The following VPS54 variants were observed in gnomAD, a reference collection of about 807,000 sequenced individuals.
VPS54 encodes the protein VPS54 subunit of GARP complex, also known as vacuolar protein sorting-associated protein 54.
VPS54 carries 45 observed loss-of-function variants against 121.5 expected under a neutral mutation model. The ratio of observed to expected loss-of-function variants is 0.37; its 90% CI spans 0.29 to 0.47. The LOEUF is 0.47. VPS54 is among the 20% of genes least tolerant of loss of function. VPS54 has a pLI of 0.99. For synonymous variants in VPS54, 371 were observed against 385.8 expected (o/e 0.96, Z 0.45); for missense variants, 1,090 against 1,131.4 (o/e 0.96, Z 0.52).
intron 1 of VPS54, among the ~76,000 whole-genome samples, chr2:63,990,713 C>A (rs1346581397): frequency 6.6e-6 from 1 of 152,214 alleles, no homozygotes; most frequent in Non-Finnish European, 1.5e-5. Flanking sequence ...AACTTCAATG[C>A]AACACTTATT....
At chr2:63,902,980 C>CATAACATAACATAACATAACAT (rs376596159) in intron 20 of VPS54, among the ~76,000 whole-genome samples, 1 of 151,420 alleles carries the variant, frequency 6.6e-6, no homozygotes, top group African/African-American at 2.4e-5. Flanking sequence ...AATAACATAA[C>CATAACATAACATAACATAACAT]AACATAACAT....
intron 1 of VPS54, among the ~76,000 whole-genome samples, chr2:64,006,652 A>ACT (rs35343897): frequency 0.43 from 65,944 of 151,770 alleles, 14,674 homozygotes; most frequent in African/African-American, 0.47. Flanking sequence ...AGACAGTCTC[A>ACT]CTGTCAGCAG....
intron 8 of VPS54, 131 bp downstream of exon 8, chr2:63,948,906 G>T: frequency 2.9e-6 from 3 of 1,048,240 alleles, no homozygotes; most frequent in South Asian, 1.7e-5. Context: ...CATAGCTAGT[G>T]AAGGACTTCA....
chr2:63,900,520 A>T lies in VPS54; in HGVS notation c.2626-939T>A, dbSNP rs1283071071. ...GAAGTTATATACCGTTTTATTTATA[A>T]GACAAATTTGGGCTAAATACTATAT... On this transcript the variant is annotated intron_variant, in intron 20 of 22. Transcript: ENST00000272322. Among the ~76,000 whole-genome samples, 6 of 152,216 alleles carry T rather than the reference A, an allele frequency of 3.9e-5. No homozygotes were observed. The East Asian group carries it at 1.2e-3, about 29-fold the overall frequency.
At chr2:63,995,454 C>G (rs751571906) in intron 1 of VPS54, among the ~76,000 whole-genome samples, 1 of 152,184 alleles carries the variant, frequency 6.6e-6, no homozygotes, top group Non-Finnish European at 1.5e-5. Context: ...AGTGTTACAG[C>G]GAATTCTTTA....
At chr2:63,942,676 T>C (rs373031444) in intron 10 of VPS54, 115 bp from the exon 11 acceptor site, 6 of 799,778 alleles carry the variant, frequency 7.5e-6, no homozygotes, top group African/African-American at 7.3e-5. Context: ...TGCAATTTCA[T>C]CTAGATACCT....
rs932742423 is a variant in VPS54, at chr2:63,976,828, T to C, written c.379-4584A>G. On this transcript the variant is annotated intron_variant, in intron 3 of 22. Transcript: ENST00000272322. ...ATACTAGTAGCTTATATCTTCTCTT[T>C]TTTTTTTTTTTTTTTTTTGAGACAG... 3.7e-5 allele frequency among the ~76,000 whole-genome samples: 5 copies of C among 134,604 alleles called. No homozygotes were observed. The East Asian group carries it at 9.9e-4, about 27-fold the overall frequency. 88.3% of individuals were successfully genotyped at this position (134,604 alleles called of 152,430 possible). A position where few individuals can be genotyped will look rare whatever the true frequency, so the allele number is the denominator to read the frequency against.
At chr2:63,975,116 G>C (rs890847413) in intron 3 of VPS54, 4 of 1,298,732 alleles carry the variant, frequency 3.1e-6, no homozygotes, top group African/African-American at 1.5e-5. Context: ...CGTGATCTTG[G>C]TTCACTGCAA....
At chr2:63,943,728 T>C (rs1450094638) in intron 10 of VPS54, among the ~76,000 whole-genome samples, 2 of 50,234 alleles carry the variant, frequency 4.0e-5, no homozygotes, top group African/African-American at 1.1e-4. Context: ...TCTTTCTTTC[T>C]TTTTTTTTTT....
At chr2:63,970,258 T>C (rs546364367) in intron 4 of VPS54, among the ~76,000 whole-genome samples, 2 of 134,690 alleles carry the variant, frequency 1.5e-5, no homozygotes, top group Admixed American at 7.7e-5. Context: ...TATATAGATA[T>C]ATATAGATAT....
At chr2:64,009,173 G>C (rs1678312486) in intron 1 of VPS54, among the ~76,000 whole-genome samples, 1 of 152,100 alleles carries the variant, frequency 6.6e-6, no homozygotes. Context: ...CTCCTTATCA[G>C]ATCAATGACT....
chr2:63,984,275 AC>A (rs1676939877), intron 1 of VPS54, among the ~76,000 whole-genome samples: 2 of 152,366 alleles, frequency 1.3e-5, no homozygotes, highest in Non-Finnish European at 2.9e-5. Context: ...GTTGTACCCA[AC>A]ATATATTAAA....
intron 21 of VPS54, among the ~76,000 whole-genome samples, chr2:63,897,795 C>A (rs1672507706): frequency 6.6e-6 from 1 of 152,142 alleles, no homozygotes; most frequent in Non-Finnish European, 1.5e-5. Flanking sequence ...CCCTCCTTAG[C>A]AGTACTCCTT....
At chr2:63,967,999 G>C (rs572508702) in intron 5 of VPS54, among the ~76,000 whole-genome samples, 3 of 152,052 alleles carry the variant, frequency 2.0e-5, no homozygotes, top group Non-Finnish European at 4.4e-5. Flanking sequence ...CTGAAGTAAA[G>C]AATGTGTAAA....
chr2:64,005,594 T>C (rs921479412), intron 1 of VPS54, among the ~76,000 whole-genome samples: 2 of 152,186 alleles, frequency 1.3e-5, no homozygotes, highest in African/African-American at 4.8e-5. Context: ...TATTCCTAAT[T>C]AAAGGAAATG....
chr2:63,962,572 T>C, intron 6 of VPS54, 129 bp from the exon 7 acceptor site: 1 of 1,177,324 alleles, frequency 8.5e-7, no homozygotes, highest in South Asian at 1.7e-5. Context: ...TGTTTGATTG[T>C]GAGATCCTTG....
intron 1 of VPS54, among the ~76,000 whole-genome samples, chr2:63,986,453 T>C (rs533602873): frequency 6.6e-6 from 1 of 152,374 alleles, no homozygotes; most frequent in South Asian, 2.1e-4. Context: ...TCCTTTTCTA[T>C]GGCTGAATAG....
In VPS54 at chr2:63,915,986, A is replaced by G. The variant is rs115147422; in HGVS notation, c.2228+914T>C. ...CCATGATTGAGGAACATAGAATTACATTCTTCCTGGAGGTGGTGGTCATTT... is the reference window on the plus strand; with the variant it reads ...CCATGATTGAGGAACATAGAATTACGTTCTTCCTGGAGGTGGTGGTCATTT... On this transcript the variant is annotated intron_variant, in intron 16 of 22. Transcript: ENST00000272322. Among the ~76,000 whole-genome samples, 843 of 152,294 alleles carry G rather than the reference A, an allele frequency of 5.5e-3. 10 individuals carry two copies. The highest frequency in any genetic ancestry group is 0.019 in the African/African-American group (788 of 41,572).
intron 21 of VPS54, 121 bp downstream of exon 21, chr2:63,899,353 A>G (rs1033466571): frequency 1.1e-4 from 87 of 818,532 alleles, no homozygotes; most frequent in Non-Finnish European, 1.5e-4. Context: ...ACAATGTAAA[A>G]AAATGATAAT....
Sources: allele counts gnomAD v4.1 joint callset (sites outside exome capture counted in the v4.1 genomes callset), GRCh38; gene constraint gnomAD v4.1.1; transcripts MANE v1.5; gene names NCBI Gene and HGNC (gene_info 2026-07-23, HGNC 2026-07-21).